PCMTD1: variants seen among roughly 807,000 people sequenced by gnomAD.
PCMTD1 encodes the protein protein-L-isoaspartate (D-aspartate) O-methyltransferase domain containing 1, also known as protein-L-isoaspartate O-methyltransferase domain-containing protein 1.
A neutral mutation model predicts 37.6 loss-of-function variants in PCMTD1; 12 were observed. That is an observed-to-expected ratio of 0.32 (90% confidence interval 0.20 to 0.52). The LOEUF is 0.52. PCMTD1 is among the 20% of genes least tolerant of loss of function. The pLI is 0.97. For synonymous variants in PCMTD1, 117 were observed against 135.8 expected, an observed-to-expected ratio of 0.86 and a Z score of 0.96; for missense variants, 235 against 421.3, an observed-to-expected ratio of 0.56 and a Z score of 3.87.
chr8:51,874,918 G>A (rs1232736514), intron 1 of PCMTD1, among the ~76,000 whole-genome samples: 2 of 152,176 alleles, frequency 1.3e-5, no homozygotes, highest in African/African-American at 4.8e-5. Context: ...CTCTTATGAG[G>A]TAAGAACTGC....
intron 1 of PCMTD1, among the ~76,000 whole-genome samples, chr8:51,890,425 G>T (rs1448897306): frequency 6.6e-6 from 1 of 151,954 alleles, no homozygotes. Flanking sequence ...TTTAAAATCC[G>T]CTCTAGCCGC....
chr8:51,845,878 T>C (rs1324875268), intron 2 of PCMTD1, 115 bp from the exon 3 acceptor site: 15 of 617,680 alleles, frequency 2.4e-5, no homozygotes, highest in Non-Finnish European at 3.3e-5. Flanking sequence ...GCTTGAAATA[T>C]GCAAATACTT....
intron 3 of PCMTD1, among the ~76,000 whole-genome samples, chr8:51,835,832 C>T (rs958403001): frequency 6.6e-6 from 1 of 152,128 alleles, no homozygotes; most frequent in African/African-American, 2.4e-5. Context: ...TGACAACTTA[C>T]AATTAAAACC....
chr8:51,881,649 AACTG>A lies in PCMTD1; in HGVS notation c.-96+17277_-96+17280del, dbSNP rs1440437848. 1.4e-4 allele frequency among the ~76,000 whole-genome samples: 4 copies of A among 27,878 alleles called. No individual in the cohort carries two copies. In the Non-Finnish European group the frequency reaches 4.1e-3, roughly 29 times the overall value. The allele number at this position is 27,878 out of a possible 152,430, so 18.3% of individuals were successfully genotyped here. ...CTTAGTAGTTGCCTGGCATTCAACC[AACTG>A]TTTTAGAATTGTCTTTTAATTATTC... On this transcript the variant is annotated intron_variant, in intron 1 of 5. Transcript: ENST00000522514.
At chr8:51,883,793 C>T (rs1479227533) in intron 1 of PCMTD1, among the ~76,000 whole-genome samples, 1 of 152,194 alleles carries the variant, frequency 6.6e-6, no homozygotes, top group South Asian at 2.1e-4. Flanking sequence ...AAAAATCAGT[C>T]GTATTATGTT....
Position 51,817,787 on chromosome 8 carries a change from A to C in PCMTD1, c.*2564T>G, listed in dbSNP as rs539625126. Reference sequence around the variant, plus strand: ...ATTGACCAATAAGCAGTATAGATTTAAATTATCTTCTTGGGTTGGTCTGAG... The same window carrying C: ...ATTGACCAATAAGCAGTATAGATTTCAATTATCTTCTTGGGTTGGTCTGAG... On this transcript the variant is annotated 3_prime_UTR_variant, in exon 6 of 6. Transcript: ENST00000522514. 538 of 455,610 alleles carry C rather than the reference A, an allele frequency of 1.2e-3. No homozygotes were observed. The highest frequency in any genetic ancestry group is 2.2e-3 in the Non-Finnish European group (492 of 226,576). 28.2% of individuals were successfully genotyped at this position (455,610 alleles called of 1,614,324 possible). A position where few individuals can be genotyped will look rare whatever the true frequency, so the allele number is the denominator to read the frequency against.
chr8:51,897,196 A>G (rs949977729), intron 1 of PCMTD1, among the ~76,000 whole-genome samples: 3 of 152,202 alleles, frequency 2.0e-5, no homozygotes, highest in African/African-American at 7.2e-5. Context: ...TACATTTTTA[A>G]TAAATACAAG....
At chr8:51,890,158 T>C (rs2038918177) in intron 1 of PCMTD1, among the ~76,000 whole-genome samples, 1 of 152,198 alleles carries the variant, frequency 6.6e-6, no homozygotes, top group Non-Finnish European at 1.5e-5. Flanking sequence ...ATTGTAGAAA[T>C]GCCTACATCT....
chr8:51,854,760 C>T (rs902211840), intron 2 of PCMTD1, among the ~76,000 whole-genome samples: 3 of 152,076 alleles, frequency 2.0e-5, no homozygotes, highest in Non-Finnish European at 4.4e-5. Context: ...GCCTGCAATC[C>T]CAGCTACTTG....
intron 5 of PCMTD1, among the ~76,000 whole-genome samples, chr8:51,824,199 C>T (rs754718327): frequency 1.3e-5 from 2 of 152,152 alleles, no homozygotes; most frequent in African/African-American, 4.8e-5. Context: ...CTGGCCAAGG[C>T]AATCAGACAA....
chr8:51,849,993 G>A (rs2038281287), intron 2 of PCMTD1: 2 of 693,374 alleles, frequency 2.9e-6, no homozygotes, highest in Admixed American at 2.1e-5. Flanking sequence ...ACAGAACATA[G>A]CCACAGGCAA....
chr8:51,857,034 AAG>A (rs2038400829), intron 2 of PCMTD1, among the ~76,000 whole-genome samples: 1 of 152,242 alleles, frequency 6.6e-6, no homozygotes, highest in South Asian at 2.1e-4. Context: ...ATGCAGGCAA[AAG>A]AGAGAAAGCA....
At position 51,817,821 on chromosome 8, in the gene PCMTD1, T is replaced by C. The variant is rs1007882740; in HGVS notation, c.*2530A>G. ...TCTTGGGTTGGTCTGAGGTTGCTGA[T>C]GGATTCTTGGGATTGATCTGATGCT... On this transcript the variant is annotated 3_prime_UTR_variant, in exon 6 of 6. Coordinates refer to ENST00000522514, the MANE Select transcript of PCMTD1 (RefSeq NM_052937.4). 2 of 456,642 alleles carry C rather than the reference T, an allele frequency of 4.4e-6. No homozygotes were observed. 28.3% of individuals were successfully genotyped at this position (456,642 alleles called of 1,614,324 possible). A position where few individuals can be genotyped will look rare whatever the true frequency, so the allele number is the denominator to read the frequency against.
chr8:51,877,331 A>G (rs1268611676), intron 1 of PCMTD1, among the ~76,000 whole-genome samples: 1 of 152,170 alleles, frequency 6.6e-6, no homozygotes, highest in East Asian at 1.9e-4. Flanking sequence ...GAACTTTTTA[A>G]AAGAGGCAAA....
chr8:51,876,862 T>A (rs1338395007), intron 1 of PCMTD1, among the ~76,000 whole-genome samples: 1 of 152,130 alleles, frequency 6.6e-6, no homozygotes, highest in African/African-American at 2.4e-5. Flanking sequence ...CTAATAAATG[T>A]AGAAGAAATA....
intron 1 of PCMTD1, among the ~76,000 whole-genome samples, chr8:51,869,384 G>C (rs140061200): frequency 2.2e-4 from 33 of 152,176 alleles, no homozygotes; most frequent in Middle Eastern, 3.4e-3. Context: ...GTATTGATCC[G>C]GCCAAATCCC....
intron 3 of PCMTD1, chr8:51,839,631 G>A (rs2038116299): frequency 1.0e-6 from 1 of 985,356 alleles, no homozygotes; most frequent in Non-Finnish European, 1.2e-6. Context: ...TCTAGGTCTA[G>A]GAGCTGACTG....
At chr8:51,857,707 A>T (rs1408599328) in intron 2 of PCMTD1, among the ~76,000 whole-genome samples, 1 of 152,198 alleles carries the variant, frequency 6.6e-6, no homozygotes, top group East Asian at 1.9e-4. Flanking sequence ...AATTATCTTC[A>T]ATTTGAAATT....
At chr8:51,886,871 G>C (rs1025886908) in intron 1 of PCMTD1, among the ~76,000 whole-genome samples, 1 of 152,110 alleles carries the variant, frequency 6.6e-6, no homozygotes, top group Admixed American at 6.5e-5. Flanking sequence ...GTCTCACTGG[G>C]TTAAGATCAA....
Sources: gnomAD v4.1 joint callset for allele counts (sites outside exome capture counted in the v4.1 genomes callset) on GRCh38, gnomAD v4.1.1 for gene constraint, MANE v1.5 for transcripts, NCBI Gene and HGNC (gene_info 2026-07-23, HGNC 2026-07-21) for gene names.